Variants in BANP observed in about 807,000 individuals in gnomAD.
BANP encodes protein BANP.
In BANP, 11 loss-of-function variants were observed where a neutral mutation model predicts 68.1. That is an observed-to-expected ratio of 0.16 (90% CI 0.10 to 0.27). The LOEUF (loss-of-function observed/expected upper bound fraction) is 0.27, where lower values mean the gene tolerates loss of function less well. BANP is among the 10% of genes least tolerant of loss of function. BANP has a pLI of 1.00. For synonymous variants in BANP, 329 were observed against 303.2 expected, an observed-to-expected ratio of 1.09 and a Z score of -0.88; for missense variants, 504 against 722.7, an observed-to-expected ratio of 0.70 and a Z score of 3.47.
At chr16:87,974,927 C>T in intron 1 of BANP, 121 bp from the exon 2 acceptor site, 1 of 580,538 alleles carries the variant, frequency 1.7e-6, no homozygotes, top group Non-Finnish European at 3.1e-6. Flanking sequence ...AAGAACCCTG[C>T]ATGTAAAACT....
At chr16:87,980,068 T>G (rs1302422753) in intron 2 of BANP, among the ~76,000 whole-genome samples, 2 of 152,242 alleles carry the variant, frequency 1.3e-5, no homozygotes, top group Non-Finnish European at 2.9e-5. Context: ...GTATGCCGTT[T>G]GTTTATCTCA....
chr16:87,952,530 T>C (rs7186168), intron 1 of BANP: 98,444 of 152,058 alleles, frequency 0.65, 32,300 homozygotes, highest in African/African-American at 0.71. Flanking sequence ...GTTGTAGGGT[T>C]CACTTTTAGC....
upstream of BANP, among the ~76,000 whole-genome samples, chr16:87,949,946 C>A (rs1419441901): frequency 6.6e-6 from 1 of 150,572 alleles, no homozygotes; most frequent in Non-Finnish European, 1.5e-5. Flanking sequence ...GGCGCCATCT[C>A]GGCTCACTGC....
At chr16:88,013,054 A>C (rs1460829801) in intron 6 of BANP, among the ~76,000 whole-genome samples, 1 of 152,210 alleles carries the variant, frequency 6.6e-6, no homozygotes, top group Non-Finnish European at 1.5e-5. Flanking sequence ...CATCATTTAA[A>C]CTCAGAGTCT....
intron 11 of BANP, among the ~76,000 whole-genome samples, chr16:88,048,286 G>C (rs2082454327): frequency 2.0e-5 from 3 of 152,216 alleles, no homozygotes; most frequent in African/African-American, 7.2e-5. Flanking sequence ...ATCATTTGGA[G>C]AAATAACTAA....
chr16:87,950,234 G>A (rs1005356863), upstream of BANP, among the ~76,000 whole-genome samples: 15 of 152,090 alleles, frequency 9.9e-5, no homozygotes, highest in Non-Finnish European at 1.9e-4. Flanking sequence ...GGAGCTCAAA[G>A]GCATTCTTGC....
chr16:88,003,385 C>A lies in BANP; in HGVS notation c.363-910C>A, dbSNP rs2069996460. On this transcript the variant is annotated intron_variant, in intron 4 of 13. Coordinates refer to ENST00000682872, the MANE Select transcript of BANP (RefSeq NM_001386991.1). This position sits in a 1 kb window ranked among gnomAD's most constrained non-coding sequence, Gnocchi z 6.1. ...GTGCAGATCACAGAAAGGCAGGCTT[C>A]CCAGGTTGGTTTTTGGAGAGTGAAA... The A allele has an allele frequency of 2.2e-6, 1 of 453,724 alleles. No homozygotes were observed. 28.1% of individuals were successfully genotyped at this position (453,724 alleles called of 1,614,324 possible).
At chr16:88,012,183 C>T (rs1348813503) in intron 6 of BANP, among the ~76,000 whole-genome samples, 14 of 152,222 alleles carry the variant, frequency 9.2e-5, no homozygotes, top group Non-Finnish European at 1.5e-5. Context: ...GCGCTGGAAG[C>T]ATTTTGAGCC....
At chr16:88,016,500 AG>A (rs2074586149) in intron 6 of BANP, among the ~76,000 whole-genome samples, 1 of 152,088 alleles carries the variant, frequency 6.6e-6, no homozygotes, top group South Asian at 2.1e-4. Context: ...GCTGCTGACC[AG>A]GGCCTGCGCC....
At chr16:87,980,089 A>G (rs1328910785) in intron 2 of BANP, among the ~76,000 whole-genome samples, 1 of 152,236 alleles carries the variant, frequency 6.6e-6, no homozygotes, top group Non-Finnish European at 1.5e-5. Flanking sequence ...ATGTGTGAGC[A>G]TGTAGAGTAG....
Position 88,071,446 on chromosome 16 carries a change from A to G in BANP, c.1378-623A>G, listed in dbSNP as rs1217543160. 2.2e-6 allele frequency: 1 copy of G among 456,194 alleles called. No individual in the cohort carries two copies. The highest frequency in any genetic ancestry group is 2.3e-5 in the Admixed American group (1 of 42,564). The allele number at this position is 456,194 out of a possible 1,614,324, so 28.3% of individuals were successfully genotyped here. ...CTCGCCTGTCCCCCATTCTCATTCC[A>G]TACTCTGGGAGGCGGTACAAGGTCG... On this transcript the variant is annotated intron_variant, in intron 12 of 13. Transcript: ENST00000682872. The surrounding 1 kb of genome is among the most constrained non-coding windows in gnomAD (Gnocchi z 6.5).
At chr16:88,032,306 A>T (rs2078363927) in intron 8 of BANP, among the ~76,000 whole-genome samples, 1 of 151,014 alleles carries the variant, frequency 6.6e-6, no homozygotes. Flanking sequence ...GGTTCAAGTG[A>T]TTCTCCTGCC....
chr16:87,954,891 C>T (rs1032639380), intron 1 of BANP, among the ~76,000 whole-genome samples: 1 of 152,256 alleles, frequency 6.6e-6, no homozygotes. Flanking sequence ...ATTCACTCCA[C>T]CTTCCTGCTT....
At chr16:87,959,055 G>A (rs973439322) in intron 1 of BANP, among the ~76,000 whole-genome samples, 1 of 152,226 alleles carries the variant, frequency 6.6e-6, no homozygotes, top group African/African-American at 2.4e-5. Context: ...TGCCCACAGG[G>A]GTGGAGATCT....
intron 4 of BANP, among the ~76,000 whole-genome samples, chr16:87,998,691 T>C (rs2068034426): frequency 6.7e-6 from 1 of 148,304 alleles, no homozygotes; most frequent in African/African-American, 2.5e-5. Context: ...CGGCTGGACT[T>C]ACCTGTCCTT....
intron 8 of BANP, among the ~76,000 whole-genome samples, chr16:88,029,436 C>A (rs149447680): frequency 6.6e-6 from 1 of 151,548 alleles, no homozygotes; most frequent in Non-Finnish European, 1.5e-5. Context: ...GGTGAAACCC[C>A]GTCTCTACTA....
chr16:88,042,701 T>G (rs534427713), intron 11 of BANP, among the ~76,000 whole-genome samples: 2 of 152,316 alleles, frequency 1.3e-5, no homozygotes, highest in African/African-American at 4.8e-5. Context: ...GAGGATCGCT[T>G]GAGCCCAGGA....
In BANP at chr16:88,064,490, C is replaced by T. The variant is rs891504496; in HGVS notation, c.1312-777C>T. Among the ~76,000 whole-genome samples, 1 of 152,230 alleles carries T rather than the reference C, an allele frequency of 6.6e-6. No individual in the cohort carries two copies. Among genetic ancestry groups the T allele is most frequent in the Non-Finnish European group, 1.5e-5 (1 of 68,038 alleles). ...TTGAATGAGCAAAACAACCCACCTG[C>T]CTCCCACGGACAGATGCTCCCAGGA... On this transcript the variant is annotated intron_variant, in intron 11 of 13. Coordinates refer to ENST00000682872, the MANE Select transcript of BANP (RefSeq NM_001386991.1). The surrounding 1 kb of genome is among the most constrained non-coding windows in gnomAD (Gnocchi z 4.5).
chr16:88,060,987 C>A (rs919408734), intron 11 of BANP, among the ~76,000 whole-genome samples: 1 of 151,898 alleles, frequency 6.6e-6, no homozygotes, highest in African/African-American at 2.4e-5. Context: ...GTCAGAAGAC[C>A]CCAAGACACA....
Sources: allele counts gnomAD v4.1 joint callset (sites outside exome capture counted in the v4.1 genomes callset), GRCh38; gene constraint gnomAD v4.1.1; non-coding constraint Gnocchi (gnomAD v3.1); transcripts MANE v1.5; gene names NCBI Gene and HGNC (gene_info 2026-07-23, HGNC 2026-07-21).